The following PAG1 variants were observed in gnomAD, a reference collection of about 807,000 sequenced individuals.
The protein encoded by PAG1 is phosphoprotein associated with glycosphingolipid-enriched microdomains 1.
A neutral mutation model predicts 31.7 loss-of-function variants in PAG1; 23 were observed. That is an observed-to-expected ratio of 0.73 (90% confidence interval 0.52 to 1.03). The LOEUF is 1.03. Ranked by LOEUF, PAG1 falls within the 50% of genes least tolerant of loss-of-function variation. The pLI is 0.00. For missense variants in PAG1, 473 were observed against 540.7 expected, an observed-to-expected ratio of 0.87 and a Z score of 1.24; for synonymous variants, 214 against 210.3, an observed-to-expected ratio of 1.02 and a Z score of -0.15.
At chr8:81,003,213 G>A (rs1017155754) in intron 3 of PAG1, among the ~76,000 whole-genome samples, 1 of 152,206 alleles carries the variant, frequency 6.6e-6, no homozygotes, top group Non-Finnish European at 1.5e-5. Context: ...TGTTCTAGAA[G>A]AGCTGCTAGA....
chr8:80,991,566 T>G, intron 4 of PAG1, 36 bp from the exon 5 acceptor site: 1 of 1,528,732 alleles, frequency 6.5e-7, no homozygotes, highest in Non-Finnish European at 9.1e-7. Flanking sequence ...ATGTCAAATG[T>G]GCCCCCTTAA....
At chr8:81,071,680 TATACAAGGGGC>T (rs1809096012) in intron 1 of PAG1, among the ~76,000 whole-genome samples, 1 of 152,158 alleles carries the variant, frequency 6.6e-6, no homozygotes, top group Admixed American at 6.5e-5. Context: ...CTCTGTGCTA[TATACAAGGGGC>T]ACACAAAGGC....
chr8:81,073,486 A>G (rs1383333065), intron 1 of PAG1, among the ~76,000 whole-genome samples: 1 of 152,208 alleles, frequency 6.6e-6, no homozygotes, highest in Non-Finnish European at 1.5e-5. Context: ...GTCCAAAAGT[A>G]TCCCTGAACA....
intron 2 of PAG1, among the ~76,000 whole-genome samples, chr8:81,050,333 C>T (rs1808707522): frequency 6.6e-6 from 1 of 152,186 alleles, no homozygotes. Flanking sequence ...ACCCAAATGT[C>T]AGAATTTATC....
intron 1 of PAG1, among the ~76,000 whole-genome samples, chr8:81,089,291 C>T (rs1194846218): frequency 1.3e-5 from 2 of 152,146 alleles, no homozygotes; most frequent in Non-Finnish European, 2.9e-5. Flanking sequence ...CCTGATGGGC[C>T]AGGCGCAGTG....
At chr8:81,017,501 C>T (rs1808091515) in intron 3 of PAG1, among the ~76,000 whole-genome samples, 1 of 152,172 alleles carries the variant, frequency 6.6e-6, no homozygotes, top group African/African-American at 2.4e-5. Flanking sequence ...AGGATGTTAC[C>T]TCCTAAATCC....
chr8:81,035,234 C>T (rs371264832), intron 2 of PAG1, among the ~76,000 whole-genome samples: 12 of 152,160 alleles, frequency 7.9e-5, no homozygotes, highest in African/African-American at 1.2e-4. Flanking sequence ...GATCACCTGG[C>T]AAGACCAACA....
At chr8:81,002,888 A>G (rs936944942) in intron 3 of PAG1, among the ~76,000 whole-genome samples, 18 of 152,310 alleles carry the variant, frequency 1.2e-4, no homozygotes, top group African/African-American at 4.1e-4. Flanking sequence ...AGAAAGTCAG[A>G]ACTTGTATTT....
chr8:81,036,663 TC>T (rs1808466326), intron 2 of PAG1, among the ~76,000 whole-genome samples: 1 of 152,182 alleles, frequency 6.6e-6, no homozygotes, highest in Non-Finnish European at 1.5e-5. Flanking sequence ...CGCTTCTGCC[TC>T]CCTTATCCTC....
chr8:81,003,133 G>A (rs898979615), intron 3 of PAG1, among the ~76,000 whole-genome samples: 5 of 152,162 alleles, frequency 3.3e-5, no homozygotes, highest in South Asian at 2.1e-4. Flanking sequence ...CGGGGGTGGC[G>A]GGGCCCGGCA....
At chr8:81,095,540 C>A (rs1026787158) in intron 1 of PAG1, among the ~76,000 whole-genome samples, 1 of 152,196 alleles carries the variant, frequency 6.6e-6, no homozygotes, top group Admixed American at 6.5e-5. Context: ...TTAAATGTCT[C>A]TTCCTCAGGG....
In PAG1 at chr8:80,972,374, T is replaced by C. The variant is rs1807095172; in HGVS notation, c.*4170A>G. 1 of 152,248 alleles carries C rather than the reference T, an allele frequency of 6.6e-6. No individual in the cohort carries two copies. Among genetic ancestry groups the C allele is most frequent in the African/African-American group, 2.4e-5 (1 of 41,460 alleles). 9.4% of individuals were successfully genotyped at this position (152,248 alleles called of 1,614,324 possible). A position where few individuals can be genotyped will look rare whatever the true frequency, so the allele number is the denominator to read the frequency against. Reference sequence around the variant, plus strand: ...ATTTGCTCATTTACAAAATCCTAATTGAACTAAAGCTCTGTAATTATAGCC... The same window carrying C: ...ATTTGCTCATTTACAAAATCCTAATCGAACTAAAGCTCTGTAATTATAGCC... On this transcript the variant is annotated 3_prime_UTR_variant, in exon 9 of 9. Coordinates refer to ENST00000220597, the MANE Select transcript of PAG1 (RefSeq NM_018440.4).
chr8:81,056,231 C>T (rs1334243183), intron 2 of PAG1, among the ~76,000 whole-genome samples: 7 of 152,080 alleles, frequency 4.6e-5, no homozygotes, highest in Non-Finnish European at 8.8e-5. Flanking sequence ...TTAAAGTTCA[C>T]ATGGAACCAA....
At chr8:80,986,209 A>C (rs1586144091) in intron 6 of PAG1, among the ~76,000 whole-genome samples, 1 of 152,284 alleles carries the variant, frequency 6.6e-6, no homozygotes, top group Non-Finnish European at 1.5e-5. Context: ...TATGTGAAAA[A>C]ATGACAACGG....
intron 1 of PAG1, among the ~76,000 whole-genome samples, chr8:81,098,768 C>T (rs1390734859): frequency 6.6e-6 from 1 of 152,134 alleles, no homozygotes; most frequent in African/African-American, 2.4e-5. Context: ...GCTAATTTGG[C>T]ATTTTGTCAA....
intron 3 of PAG1, among the ~76,000 whole-genome samples, chr8:81,021,258 G>A (rs183676494): frequency 8.9e-4 from 136 of 152,212 alleles, no homozygotes; most frequent in Middle Eastern, 3.4e-3. Context: ...TCACAAAACA[G>A]GCTGAAGTCA....
intron 1 of PAG1, among the ~76,000 whole-genome samples, chr8:81,084,460 A>C (rs1411122052): frequency 1.3e-5 from 2 of 152,218 alleles, no homozygotes; most frequent in African/African-American, 4.8e-5. Flanking sequence ...AATCAATTTT[A>C]AAATAATATA....
At chr8:81,013,924 C>A (rs1469265111) in intron 3 of PAG1, among the ~76,000 whole-genome samples, 2 of 152,172 alleles carry the variant, frequency 1.3e-5, no homozygotes, top group African/African-American at 2.4e-5. Context: ...AATATAAATT[C>A]TCTACAGTGC....
At chr8:81,073,543 T>C (rs1461562816) in intron 1 of PAG1, among the ~76,000 whole-genome samples, 1 of 152,222 alleles carries the variant, frequency 6.6e-6, no homozygotes, top group East Asian at 1.9e-4. Context: ...GGAGTGGCTT[T>C]TTAAATACAT....
Sources: allele counts gnomAD v4.1 joint callset (sites outside exome capture counted in the v4.1 genomes callset), GRCh38; gene constraint gnomAD v4.1.1; transcripts MANE v1.5; gene names NCBI Gene and HGNC (gene_info 2026-07-23, HGNC 2026-07-21).